Variants in RBM47 observed in about 807,000 individuals in gnomAD.
RBM47 encodes RNA binding motif protein 47.
Under a neutral mutation model 47.1 loss-of-function variants are expected in RBM47, and 21 were observed. That is an observed-to-expected ratio of 0.45 (90% CI 0.32 to 0.64). The LOEUF is 0.64. RBM47 is among the 30% of genes least tolerant of loss of function. RBM47 has a pLI of 0.05. For missense variants in RBM47, 708 were observed against 870.9 expected, an observed-to-expected ratio of 0.81 and a Z score of 2.35; for synonymous variants, 375 against 361.7, an observed-to-expected ratio of 1.04 and a Z score of -0.42.
intron 2 of RBM47, among the ~76,000 whole-genome samples, chr4:40,535,475 G>A (rs1163400648): frequency 4.7e-5 from 7 of 148,740 alleles, no homozygotes; most frequent in Admixed American, 2.0e-4. Flanking sequence ...GGGTTCAAGC[G>A]ATTCTCCTGC....
At chr4:40,553,060 C>T (rs1450522251) in intron 1 of RBM47, among the ~76,000 whole-genome samples, 9 of 151,464 alleles carry the variant, frequency 5.9e-5, no homozygotes, top group Admixed American at 5.3e-4. Flanking sequence ...CTCCGCCTCC[C>T]GGGTTCAAGT....
At position 40,544,478 on chromosome 4, in the gene RBM47, G is replaced by C. The variant is rs192923208; in HGVS notation, c.-211C>G. 6.6e-6 allele frequency: 1 copy of C among 152,264 alleles called. No homozygotes were observed. The highest frequency in any genetic ancestry group is 1.5e-5 in the Non-Finnish European group (1 of 68,036). 9.4% of individuals were successfully genotyped at this position (152,264 alleles called of 1,614,324 possible). A position where few individuals can be genotyped will look rare whatever the true frequency, so the allele number is the denominator to read the frequency against. The stretch of plus-strand genomic sequence containing the variant: ...TCTCTGCTGGGTGACCTGACGCAGA[G>C]TCTCTTTCCAAGGCCTCCGTTACCT... On this transcript the variant is annotated 5_prime_UTR_variant, in exon 2 of 7. Coordinates refer to ENST00000295971, the MANE Select transcript of RBM47 (RefSeq NM_001098634.2).
At chr4:40,585,947 C>T (rs760039713) in intron 1 of RBM47, among the ~76,000 whole-genome samples, 5 of 152,200 alleles carry the variant, frequency 3.3e-5, no homozygotes, top group Admixed American at 6.5e-5. Flanking sequence ...GTAAGCAGGA[C>T]GGTACTCTTT....
chr4:40,596,950 T>C (rs1256507203), intron 1 of RBM47, among the ~76,000 whole-genome samples: 2 of 152,180 alleles, frequency 1.3e-5, no homozygotes, highest in East Asian at 1.9e-4. Flanking sequence ...AAATATTAAG[T>C]ATTTAAGTAT....
At chr4:40,437,706 T>TG (rs1712876298) in intron 4 of RBM47, 65 bp downstream of exon 4, 1 of 1,457,186 alleles carries the variant, frequency 6.9e-7, no homozygotes, top group African/African-American at 1.4e-5. Context: ...ACGGTATCCC[T>TG]GGTGCCCCCT....
intron 3 of RBM47, among the ~76,000 whole-genome samples, chr4:40,459,018 C>T (rs1716703334): frequency 6.6e-6 from 1 of 152,132 alleles, no homozygotes; most frequent in Non-Finnish European, 1.5e-5. Context: ...CCAAAGAACT[C>T]TATTAGAAAT....
intron 1 of RBM47, among the ~76,000 whole-genome samples, chr4:40,621,331 T>TA (rs1318920074): frequency 1.3e-5 from 2 of 152,126 alleles, no homozygotes; most frequent in Non-Finnish European, 2.9e-5. Context: ...CAAACCTAGG[T>TA]AATTGTCCAA....
In RBM47 at chr4:40,466,629, A is replaced by G; in HGVS notation, c.-84T>C. ...CCTTTATAAGTCGCAGAACGAGAGT[A>G]TACAGGCAAATTCAGGCAGCTTCCT... On this transcript the variant is annotated 5_prime_UTR_variant, in exon 3 of 7. Coordinates refer to ENST00000295971, the MANE Select transcript of RBM47 (RefSeq NM_001098634.2). The G allele has an allele frequency of 6.6e-6, 1 of 152,154 alleles. No homozygotes were observed. 9.4% of individuals were successfully genotyped at this position (152,154 alleles called of 1,614,324 possible).
intron 2 of RBM47, 48 bp from the exon 3 acceptor site, chr4:40,466,747 G>T (rs990855679): frequency 8.9e-6 from 1 of 112,944 alleles, no homozygotes; most frequent in Non-Finnish European, 1.6e-5. Context: ...ATTTCAACAT[G>T]ATTTTCATAT....
chr4:40,522,553 G>T (rs2154256642), intron 2 of RBM47, among the ~76,000 whole-genome samples: 1 of 152,006 alleles, frequency 6.6e-6, no homozygotes, highest in East Asian at 1.9e-4. Context: ...GTAGAGTTTG[G>T]GTTTAGTATC....
intron 2 of RBM47, among the ~76,000 whole-genome samples, chr4:40,511,920 G>C (rs1300579574): frequency 6.9e-6 from 1 of 144,978 alleles, no homozygotes; most frequent in Admixed American, 6.9e-5. Flanking sequence ...GGGGGACACA[G>C]TAAGACTCTG....
At chr4:40,593,883 C>CAAAAA (rs34280289) in intron 1 of RBM47, among the ~76,000 whole-genome samples, 1 of 116,258 alleles carries the variant, frequency 8.6e-6, no homozygotes. Flanking sequence ...GACTCTGTCT[C>CAAAAA]AAAAAAAAAA....
intron 2 of RBM47, among the ~76,000 whole-genome samples, chr4:40,539,206 C>T (rs1728259978): frequency 6.6e-6 from 1 of 152,112 alleles, no homozygotes. Context: ...GCAGAAAACT[C>T]GTTTTTAGAA....
intron 2 of RBM47, among the ~76,000 whole-genome samples, chr4:40,473,086 G>A (rs1719146375): frequency 6.6e-6 from 1 of 152,104 alleles, no homozygotes; most frequent in Non-Finnish European, 1.5e-5. Context: ...GGTAGGCTAG[G>A]TGAACTCACA....
intron 2 of RBM47, chr4:40,516,008 G>C (rs931562393): frequency 6.6e-6 from 1 of 152,342 alleles, no homozygotes; most frequent in South Asian, 2.1e-4. Flanking sequence ...ATAAATGACC[G>C]TTTTATCTGC....
At chr4:40,456,924 T>G (rs1009948718) in intron 3 of RBM47, among the ~76,000 whole-genome samples, 1 of 151,496 alleles carries the variant, frequency 6.6e-6, no homozygotes, top group Non-Finnish European at 1.5e-5. Flanking sequence ...ATGGAGAAAC[T>G]GAGAAGGAGG....
chr4:40,576,265 G>GGT (rs1732319200), intron 1 of RBM47, among the ~76,000 whole-genome samples: 1 of 91,620 alleles, frequency 1.1e-5, no homozygotes, highest in Non-Finnish European at 2.5e-5. Flanking sequence ...TTGGGGGGGG[G>GGT]CGGAGACAGG....
intron 1 of RBM47, among the ~76,000 whole-genome samples, chr4:40,565,408 G>A (rs1355332555): frequency 6.6e-6 from 1 of 152,176 alleles, no homozygotes; most frequent in East Asian, 1.9e-4. Flanking sequence ...TGGCTCATGA[G>A]CAGGTCCTTG....
intron 1 of RBM47, among the ~76,000 whole-genome samples, chr4:40,561,544 C>CTTTTTTTTT (rs796381156): frequency 7.2e-5 from 9 of 124,576 alleles, no homozygotes; most frequent in African/African-American, 2.0e-4. Context: ...TTCTTCTTTT[C>CTTTTTTTTT]TTTTTTTTTT....
Sources: allele counts gnomAD v4.1 joint callset (sites outside exome capture counted in the v4.1 genomes callset), GRCh38; gene constraint gnomAD v4.1.1; transcripts MANE v1.5; gene names NCBI Gene and HGNC (gene_info 2026-07-23, HGNC 2026-07-21).